CTNNA3: variants seen among roughly 807,000 people sequenced by gnomAD.
The protein encoded by CTNNA3 is catenin alpha-3.
Under a neutral mutation model 95.7 loss-of-function variants are expected in CTNNA3, and 76 were observed. The ratio of observed to expected loss-of-function variants is 0.79; its 90% CI spans 0.66 to 0.96. The LOEUF (loss-of-function observed/expected upper bound fraction) is 0.96. CTNNA3 is among the 40% of genes least tolerant of loss of function. The pLI, the probability that CTNNA3 is intolerant of heterozygous loss-of-function variation, is 0.00. For missense variants in CTNNA3, 1,191 were observed against 1,089.8 expected, an observed-to-expected ratio of 1.09 and a Z score of -1.31; for synonymous variants, 431 against 374.4, an observed-to-expected ratio of 1.15 and a Z score of -1.74.
intron 5 of CTNNA3, among the ~76,000 whole-genome samples, chr10:67,364,599 C>G (rs187926588): frequency 6.6e-6 from 1 of 152,140 alleles, no homozygotes; most frequent in African/African-American, 2.4e-5. Flanking sequence ...AACAGAGAGC[C>G]AAATCATGAG....
intron 1 of CTNNA3, among the ~76,000 whole-genome samples, chr10:67,733,843 G>C (rs899766455): frequency 6.6e-6 from 1 of 152,106 alleles, no homozygotes; most frequent in African/African-American, 2.4e-5. Flanking sequence ...CCTAAATTTG[G>C]CTGTGGCTTT....
At chr10:67,074,386 T>C (rs2131858110) in intron 7 of CTNNA3, among the ~76,000 whole-genome samples, 1 of 129,694 alleles carries the variant, frequency 7.7e-6, no homozygotes, top group African/African-American at 3.0e-5. Flanking sequence ...AGTCTCGCTC[T>C]GTCGCCCAGG....
intron 12 of CTNNA3, among the ~76,000 whole-genome samples, chr10:66,283,816 T>C (rs564252371): frequency 1.3e-5 from 2 of 151,998 alleles, no homozygotes; most frequent in South Asian, 4.1e-4. Context: ...TGGATCAAAC[T>C]AGGAGTAAAT....
At position 67,725,681 on chromosome 10, in the gene CTNNA3, G is replaced by C. The variant is rs145070180; in HGVS notation, c.-2+37753C>G. Among the ~76,000 whole-genome samples the C allele has an allele frequency of 4.0e-3, 610 of 151,884 alleles. 28 individuals are homozygous for C. In the South Asian group the frequency reaches 0.071, roughly 18 times the overall value. On this transcript the variant is annotated intron_variant, in intron 1 of 17. Coordinates refer to the CTNNA3 transcript ENST00000684154. ...AGAGATAGGGATAGAGAGAAAAAGA[G>C]ATGAGAGTCAGGGGGATGGTCTAAG...
intron 1 of CTNNA3, among the ~76,000 whole-genome samples, chr10:67,691,705 C>G (rs1266419586): frequency 1.3e-5 from 2 of 151,920 alleles, no homozygotes; most frequent in Admixed American, 1.3e-4. Flanking sequence ...GCAGCCACCC[C>G]GTCTGGGAAG....
chr10:67,052,343 TC>T lies in CTNNA3; in HGVS notation c.1047+127973del, dbSNP rs1564857015. On this transcript the variant is annotated intron_variant, in intron 7 of 17. Coordinates refer to ENST00000433211, the MANE Select transcript of CTNNA3 (RefSeq NM_013266.4). ...CTCTCTCTCTCTCTCTCTCTCTCTC[TC>T]TCTCTCTCTCATTAAAAGCACTAAG... is the stretch of plus-strand genomic sequence containing the variant. 3.3e-3 allele frequency among the ~76,000 whole-genome samples: 451 copies of T among 135,582 alleles called. 3 individuals are homozygous for T. Among genetic ancestry groups the T allele is most frequent in the African/African-American group, 6.0e-3 (242 of 40,118 alleles). 88.9% of individuals were successfully genotyped at this position (135,582 alleles called of 152,430 possible).
intron 5 of CTNNA3, among the ~76,000 whole-genome samples, chr10:67,472,084 T>G (rs1847850472): frequency 6.6e-6 from 1 of 152,206 alleles, no homozygotes; most frequent in Non-Finnish European, 1.5e-5. Context: ...ATTTAGTTAT[T>G]TACTAGTTGC....
chr10:66,405,304 T>C (rs903780682), intron 11 of CTNNA3, among the ~76,000 whole-genome samples: 1 of 152,186 alleles, frequency 6.6e-6, no homozygotes, highest in Non-Finnish European at 1.5e-5. Flanking sequence ...ATGTGATTTA[T>C]ATTAAATAAG....
At chr10:67,397,184 G>A (rs1844736356) in intron 5 of CTNNA3, among the ~76,000 whole-genome samples, 1 of 152,174 alleles carries the variant, frequency 6.6e-6, no homozygotes, top group African/African-American at 2.4e-5. Flanking sequence ...TGAAAATGTG[G>A]GGAAGTTTGG....
At chr10:66,866,131 C>T (rs916104348) in intron 7 of CTNNA3, among the ~76,000 whole-genome samples, 1 of 152,134 alleles carries the variant, frequency 6.6e-6, no homozygotes, top group African/African-American at 2.4e-5. Flanking sequence ...ACTGACTTCA[C>T]ATAGTCACAA....
chr10:67,052,911 T>TA (rs1216811945), intron 7 of CTNNA3, among the ~76,000 whole-genome samples: 1 of 152,204 alleles, frequency 6.6e-6, no homozygotes, highest in Non-Finnish European at 1.5e-5. Flanking sequence ...GCTGAAGCAA[T>TA]AATAGTACTC....
chr10:66,530,866 G>A (rs1006668176), intron 10 of CTNNA3, among the ~76,000 whole-genome samples: 5 of 152,128 alleles, frequency 3.3e-5, no homozygotes, highest in African/African-American at 1.2e-4. Flanking sequence ...TATTTTTTAA[G>A]AGGAGAAGGG....
chr10:67,721,101 C>T (rs2133619399), intron 1 of CTNNA3, among the ~76,000 whole-genome samples: 1 of 152,270 alleles, frequency 6.6e-6, no homozygotes, highest in East Asian at 1.9e-4. Context: ...TTCATTTCAA[C>T]CTTGGTAAAT....
chr10:67,685,598 C>A (rs1296632934), intron 1 of CTNNA3, among the ~76,000 whole-genome samples: 4 of 152,158 alleles, frequency 2.6e-5, no homozygotes, highest in African/African-American at 9.7e-5. Flanking sequence ...TTGTCAGTGG[C>A]CTCAGTGCTT....
intron 3 of CTNNA3, among the ~76,000 whole-genome samples, chr10:67,596,695 A>G (rs2133358894): frequency 6.6e-6 from 1 of 152,294 alleles, no homozygotes; most frequent in South Asian, 2.1e-4. Flanking sequence ...CTAGATGCCT[A>G]TAGTACTATT....
At chr10:67,467,018 G>C (rs1847621085) in intron 5 of CTNNA3, among the ~76,000 whole-genome samples, 1 of 152,098 alleles carries the variant, frequency 6.6e-6, no homozygotes, top group South Asian at 2.1e-4. Flanking sequence ...CACATCTATA[G>C]TCCCACTGGC....
intron 11 of CTNNA3, among the ~76,000 whole-genome samples, chr10:66,413,965 A>C (rs770484149): frequency 6.6e-6 from 1 of 152,312 alleles, no homozygotes; most frequent in East Asian, 1.9e-4. Flanking sequence ...TGTGCATTAA[A>C]TCTTCACAGA....
chr10:67,204,971 G>A (rs1863824442), intron 6 of CTNNA3, among the ~76,000 whole-genome samples: 2 of 152,300 alleles, frequency 1.3e-5, no homozygotes, highest in African/African-American at 4.8e-5. Flanking sequence ...GATGTTATCT[G>A]CAGGAGTAAT....
intron 10 of CTNNA3, among the ~76,000 whole-genome samples, chr10:66,533,922 A>C (rs575998279): frequency 6.6e-6 from 1 of 152,104 alleles, no homozygotes; most frequent in Non-Finnish European, 1.5e-5. Flanking sequence ...GAGTTAAAAA[A>C]TTTTTTAATG....
Sources: allele counts gnomAD v4.1 joint callset (sites outside exome capture counted in the v4.1 genomes callset), GRCh38; gene constraint gnomAD v4.1.1; transcripts MANE v1.5; gene names NCBI Gene and HGNC (gene_info 2026-07-23, HGNC 2026-07-21).